The following ZNF224 variants were observed in gnomAD, a reference collection of about 807,000 sequenced individuals.
The protein encoded by ZNF224 is bone marrow zinc finger 2.
Under a neutral mutation model 10.5 loss-of-function variants are expected in ZNF224, and 8 were observed. The ratio of observed to expected loss-of-function variants is 0.76; its 90% CI spans 0.45 to 1.37. The LOEUF is 1.37. Among genes scored for constraint, ZNF224 ranks in the 40% most tolerant of loss-of-function variants. ZNF224 has a pLI of 0.00. For synonymous variants in ZNF224, 282 were observed against 287.8 expected (o/e 0.98, Z 0.20); for missense variants, 754 against 854.0 (o/e 0.88, Z 1.46).
chr19:44,108,280 C>G lies in ZNF224; in HGVS notation c.2120C>G (p.Pro707Arg). The change falls in exon 6 of 6, where the codon CCT becomes CGT. Residue 707 changes from proline (P) to arginine (R), a missense_variant. Coordinates refer to ENST00000693561, the MANE Select transcript of ZNF224 (RefSeq NM_001321645.3). ...LHQNVHVGEK[P>R] is the part of the protein sequence containing the mutation. ...CAGAATGTTCATGTTGGAGAAAAAC[C>G]TTAGTGATGTGATGGTGCAATAAAG... 2 of 1,605,418 alleles carry G rather than the reference C, an allele frequency of 1.2e-6. No individual in the cohort carries two copies. The highest frequency in any genetic ancestry group is 2.2e-5 in the East Asian group (1 of 44,806).
intron 2 of ZNF224, chr19:44,097,058 G>A (rs555128568): frequency 5.6e-5 from 13 of 230,804 alleles, no homozygotes; most frequent in South Asian, 4.6e-4. Context: ...TGGCCGAGAC[G>A]CTGTCTTTCA....
In ZNF224 at chr19:44,106,584, C is replaced by T. The variant is rs1779994790; in HGVS notation, c.424C>T (p.His142Tyr). 2 of 1,611,654 alleles carry T rather than the reference C, an allele frequency of 1.2e-6. No homozygotes were observed. Among genetic ancestry groups the T allele is most frequent in the South Asian group, 1.1e-5 (1 of 90,702 alleles). The change falls in exon 6 of 6, where the codon CAC becomes TAC. Residue 142 changes from histidine (H) to tyrosine (Y), a missense_variant. Physicochemically the swap from His to Tyr is moderately conservative, Grantham distance 83 (BLOSUM62 2). Transcript: ENST00000693561. ...GACTGAGGCAGGACTATCTGTAATT[C>T]ACACAAGACAGAAATCTTCCCAGGG... ...CQTEAGLSVI[H>Y]TRQKSSQGNG...
At position 44,101,168 on chromosome 19, in the gene ZNF224, C is replaced by T; in HGVS notation, c.178C>T (p.Leu60=). ...ATTCCACAGGGATACTTTCCACTTC[C>T]TAAGGGAAGAAAAGATTTGGATGAT... The part of the protein sequence containing the change: ...QAFHRDTFHF[L]REEKIWMMKT... Residue 60 remains leucine, a synonymous_variant, in exon 5 of 6, where the codon CTA becomes TTA. Coordinates refer to ENST00000693561, the MANE Select transcript of ZNF224 (RefSeq NM_001321645.3). 6.2e-7 allele frequency: 1 copy of T among 1,614,062 alleles called. No homozygotes were observed. The highest frequency in any genetic ancestry group is 8.5e-7 in the Non-Finnish European group (1 of 1,179,986).
At position 44,106,592 on chromosome 19, in the gene ZNF224, A is replaced by G; in HGVS notation, c.432A>G (p.Arg144=). Residue 144 remains arginine (R), a synonymous_variant, in exon 6 of 6, where the codon AGA becomes AGG. Coordinates refer to ENST00000693561, the MANE Select transcript of ZNF224 (RefSeq NM_001321645.3). ...CAGGACTATCTGTAATTCACACAAG[A>G]CAGAAATCTTCCCAGGGCAATGGAT... ...TEAGLSVIHT[R]QKSSQGNGYK... 6.2e-7 allele frequency: 1 copy of G among 1,610,450 alleles called. No homozygotes were observed. The highest frequency in any genetic ancestry group is 8.5e-7 in the Non-Finnish European group (1 of 1,177,830).
At position 44,106,424 on chromosome 19, in the gene ZNF224, T is replaced by C. The variant is rs1967661526; in HGVS notation, c.264T>C (p.Thr88=). 6.2e-7 allele frequency: 1 copy of C among 1,614,062 alleles called. No individual in the cohort carries two copies. Among genetic ancestry groups the C allele is most frequent in the South Asian group, 1.1e-5 (1 of 91,090 alleles). The change falls in exon 6 of 6, where the codon ACT becomes ACC. Residue 88 remains threonine (T), a synonymous_variant. Transcript: ENST00000693561. The stretch of plus-strand genomic sequence containing the variant: ...ACAAGATCCAAACTGAGATGGAGAC[T>C]GTTTCAGAAGCAGGAACACATCAAG... ...SGDKIQTEME[T]VSEAGTHQEW...
At position 44,099,079 on chromosome 19, in the gene ZNF224, A is replaced by G. The variant is rs112674480; in HGVS notation, c.15+1191A>G. Among the ~76,000 whole-genome samples the G allele has an allele frequency of 7.6e-4, 116 of 152,330 alleles. 1 individual carries two copies. Among genetic ancestry groups the G allele is most frequent in the Middle Eastern group, 3.4e-3 (1 of 292 alleles). On this transcript the variant is annotated intron_variant, in intron 3 of 5. Transcript: ENST00000693561. ...ATTTTAGCCTTTTTACTCAGTTGAA[A>G]GAGAGAGAAAAAGAAAGAGAGAATT...
At chr19:44,103,531 A>G (rs2147529148) in intron 5 of ZNF224, among the ~76,000 whole-genome samples, 1 of 152,318 alleles carries the variant, frequency 6.6e-6, no homozygotes, top group East Asian at 1.9e-4. Flanking sequence ...CTTGCTTGTC[A>G]TGAAGATGTG....
intron 1 of ZNF224, chr19:44,094,974 A>G (rs1717779116): frequency 6.4e-6 from 1 of 157,308 alleles, no homozygotes; most frequent in Admixed American, 6.5e-5. Flanking sequence ...TGATCCCGGA[A>G]GCCTTCTGAC....
chr19:44,097,969 G>GGCAA, intron 3 of ZNF224, 81 bp downstream of exon 3: 1 of 1,490,164 alleles, frequency 6.7e-7, no homozygotes. Flanking sequence ...GTCTTGGGAA[G>GGCAA]ACTCAAGGAG....
At position 44,094,523 on chromosome 19, in the gene ZNF224, G is replaced by A. The variant is rs1967399461; in HGVS notation, c.-165G>A. 6.6e-6 allele frequency: 1 copy of A among 152,510 alleles called. No individual in the cohort carries two copies. The highest frequency in any genetic ancestry group is 2.1e-4 in the South Asian group (1 of 4,824). The allele number at this position is 152,510 out of a possible 1,614,324, so 9.4% of individuals were successfully genotyped here. On this transcript the variant is annotated 5_prime_UTR_variant, in exon 1 of 6. Coordinates refer to ENST00000693561, the MANE Select transcript of ZNF224 (RefSeq NM_001321645.3). The stretch of plus-strand genomic sequence containing the variant: ...TTAGGGGAAAAGGGGCCTCGTCGGA[G>A]AGTAGAGGTTTGGAGGGGCAAGGGC...
Position 44,094,442 on chromosome 19 carries a change from G to A in ZNF224, c.-246G>A, listed in dbSNP as rs1967397178. 6.6e-6 allele frequency: 1 copy of A among 152,244 alleles called. No individual in the cohort carries two copies. The highest frequency in any genetic ancestry group is 6.5e-5 in the Admixed American group (1 of 15,272). 9.4% of individuals were successfully genotyped at this position (152,244 alleles called of 1,614,324 possible). ...TTTGGGGCAGTTCCGCGCGTTGCAG[G>A]CCCTTCTGAATTTCCTGGACCTACG... On this transcript the variant is annotated 5_prime_UTR_variant, in exon 1 of 6. Transcript: ENST00000693561.
chr19:44,096,539 A>G, intron 2 of ZNF224, 108 bp downstream of exon 2: 1 of 152,222 alleles, frequency 6.6e-6, no homozygotes, highest in East Asian at 1.9e-4. Context: ...TATCTATCCA[A>G]AGACTGCTAA....
intron 1 of ZNF224, chr19:44,094,741 C>T (rs1967406199): frequency 6.6e-6 from 1 of 152,268 alleles, no homozygotes; most frequent in South Asian, 2.1e-4. Flanking sequence ...GTGTTAATCT[C>T]CTTGGGTTTC....
chr19:44,107,386 T>A lies in ZNF224; in HGVS notation c.1226T>A (p.Phe409Tyr), dbSNP rs756619816. ...AAATGTGAAGAATGTGGGAAAGGAT[T>A]TTACACAAATTCACAATGCTATTCC... Reference protein sequence around the residue: ...PFKCEECGKGFYTNSQCYSHQ... With the variant: ...PFKCEECGKGYYTNSQCYSHQ... The change falls in exon 6 of 6, where the codon TTT (phenylalanine) becomes TAT (tyrosine). Residue 409 changes from phenylalanine to tyrosine, a missense_variant. Transcript: ENST00000693561. 1.9e-6 allele frequency: 3 copies of A among 1,604,304 alleles called. No homozygotes were observed. The highest frequency in any genetic ancestry group is 1.7e-6 in the Non-Finnish European group (2 of 1,176,358).
chr19:44,099,497 G>C (rs543866856), intron 3 of ZNF224, among the ~76,000 whole-genome samples: 4 of 152,222 alleles, frequency 2.6e-5, no homozygotes, highest in African/African-American at 9.6e-5. Flanking sequence ...GAGAAAAACA[G>C]ATGTCAATAA....
intron 2 of ZNF224, among the ~76,000 whole-genome samples, chr19:44,096,897 G>A (rs1393063014): frequency 6.6e-6 from 1 of 152,096 alleles, no homozygotes; most frequent in Non-Finnish European, 1.5e-5. Context: ...TTGTTGGTAG[G>A]GATACCACAG....
At position 44,107,167 on chromosome 19, in the gene ZNF224, T is replaced by TG; in HGVS notation, c.1008dup (p.Ile337AspfsTer11). 1 of 1,604,988 alleles carries TG rather than the reference T, an allele frequency of 6.2e-7. No homozygotes were observed. Among genetic ancestry groups the TG allele is most frequent in the Admixed American group, 1.7e-5 (1 of 59,028 alleles). ...AGATCAGCACTTAATAGTCATCGCA[T>TG]GATCCACACAGGAGAGAAACCATAC... On this transcript the variant is annotated frameshift_variant, in exon 6 of 6. Transcript: ENST00000693561. LOFTEE classifies it low-confidence loss of function (END_TRUNC).
intron 2 of ZNF224, chr19:44,097,105 A>G (rs547682231): frequency 2.5e-4 from 55 of 221,912 alleles, no homozygotes; most frequent in African/African-American, 1.2e-3. Flanking sequence ...AAAAAATTGA[A>G]AAGAATAAAG....
intron 5 of ZNF224, among the ~76,000 whole-genome samples, chr19:44,104,456 T>G (rs1416531277): frequency 6.6e-6 from 1 of 152,226 alleles, no homozygotes; most frequent in Non-Finnish European, 1.5e-5. Context: ...CAGAACTCAC[T>G]GAATGCTTTT....
Sources: allele counts gnomAD v4.1 joint callset (sites outside exome capture counted in the v4.1 genomes callset), GRCh38; gene constraint gnomAD v4.1.1; transcripts MANE v1.5; gene names NCBI Gene and HGNC (gene_info 2026-07-23, HGNC 2026-07-21).